AUTS2: variants seen among roughly 807,000 people sequenced by gnomAD.
AUTS2 encodes activator of transcription and developmental regulator AUTS2.
Under a neutral mutation model 112.4 loss-of-function variants are expected in AUTS2, and 17 were observed. The ratio of observed to expected loss-of-function variants is 0.15; its 90% CI spans 0.10 to 0.23. The LOEUF (loss-of-function observed/expected upper bound fraction) is 0.23. AUTS2 is among the 10% of genes least tolerant of loss of function. The probability of loss-of-function intolerance (pLI) is 1.00; values close to 1 mark genes in which losing one functional copy is unlikely to be tolerated. For missense variants in AUTS2, 1,510 were observed against 1,701.6 expected (o/e 0.89, Z 1.98); for synonymous variants, 751 against 702.7 (o/e 1.07, Z -1.09).
intron 4 of AUTS2, among the ~76,000 whole-genome samples, chr7:70,370,869 A>G (rs1286522618): frequency 6.6e-6 from 1 of 151,522 alleles, no homozygotes; most frequent in African/African-American, 2.4e-5. Flanking sequence ...CCATTATTCT[A>G]GTGGGTGTGA....
At chr7:70,566,379 T>C (rs562528883) in intron 5 of AUTS2, among the ~76,000 whole-genome samples, 2 of 152,350 alleles carry the variant, frequency 1.3e-5, no homozygotes, top group Admixed American at 6.5e-5. Flanking sequence ...ACTTATTTCC[T>C]TGAAATTCCT....
At chr7:69,917,225 C>G (rs964751722) in intron 2 of AUTS2, among the ~76,000 whole-genome samples, 8 of 151,762 alleles carry the variant, frequency 5.3e-5, no homozygotes, top group African/African-American at 1.7e-4. Context: ...ATGGAGGACT[C>G]ACTGTGTTTT....
intron 5 of AUTS2, among the ~76,000 whole-genome samples, chr7:70,454,903 T>G (rs1002345521): frequency 6.6e-6 from 1 of 152,224 alleles, no homozygotes. Context: ...GGGAGTGCTT[T>G]GAGCTCTAGA....
chr7:70,222,402 T>C lies in AUTS2; in HGVS notation c.660+87831T>C, dbSNP rs190525279. 2.6e-5 allele frequency among the ~76,000 whole-genome samples: 4 copies of C among 152,292 alleles called. No individual in the cohort carries two copies. The East Asian group carries it at 7.7e-4, about 29-fold the overall frequency. On this transcript the variant is annotated intron_variant, in intron 4 of 18. Coordinates refer to ENST00000342771, the MANE Select transcript of AUTS2 (RefSeq NM_015570.4). ...AGAACATAGGAGTAGAGAAGTTCAA[T>C]AGGAACATGCAAAATTTGTCTATTG...
rs185369125 is a variant in AUTS2 at position 70,170,850 on chromosome 7, C to T, written c.660+36279C>T. Among the ~76,000 whole-genome samples the T allele has an allele frequency of 3.9e-5, 6 of 152,310 alleles. No homozygotes were observed. In the East Asian group the frequency reaches 1.2e-3, roughly 29 times the overall value. On this transcript the variant is annotated intron_variant, in intron 4 of 18. Coordinates refer to ENST00000342771, the MANE Select transcript of AUTS2 (RefSeq NM_015570.4). ...CTTGAACTCCTGACCTCGTGATCCACCTTCCTCGGCCTCCTAGAGTGCTGG... is the reference window on the plus strand; with the variant it reads ...CTTGAACTCCTGACCTCGTGATCCATCTTCCTCGGCCTCCTAGAGTGCTGG...
At chr7:70,125,545 A>AC (rs1805925471) in intron 3 of AUTS2, among the ~76,000 whole-genome samples, 1 of 152,052 alleles carries the variant, frequency 6.6e-6, no homozygotes, top group South Asian at 2.1e-4. Flanking sequence ...TCAGGTAGAA[A>AC]CTAGAGGGGA....
intron 1 of AUTS2, among the ~76,000 whole-genome samples, chr7:69,610,179 A>G (rs575587754): frequency 3.9e-5 from 6 of 152,338 alleles, no homozygotes; most frequent in Non-Finnish European, 5.9e-5. Context: ...TAATAAAGGG[A>G]AGACATGATT....
At chr7:70,525,191 G>C (rs1799792313) in intron 5 of AUTS2, among the ~76,000 whole-genome samples, 3 of 152,306 alleles carry the variant, frequency 2.0e-5, no homozygotes, top group South Asian at 4.1e-4. Context: ...CACGCCTTCA[G>C]CTCCTCTGCA....
intron 1 of AUTS2, among the ~76,000 whole-genome samples, chr7:69,743,941 G>A (rs975698600): frequency 3.3e-5 from 5 of 151,912 alleles, no homozygotes; most frequent in Non-Finnish European, 4.4e-5. Flanking sequence ...GGGACTGTAG[G>A]CATGTGCCAC....
At chr7:70,617,132 T>C (rs1372301183) in intron 5 of AUTS2, among the ~76,000 whole-genome samples, 1 of 152,196 alleles carries the variant, frequency 6.6e-6, no homozygotes, top group Non-Finnish European at 1.5e-5. Context: ...TAAGGGCCAT[T>C]GTCTTCAAGA....
intron 5 of AUTS2, among the ~76,000 whole-genome samples, chr7:70,662,061 A>T (rs1042941714): frequency 1.3e-5 from 2 of 152,172 alleles, no homozygotes; most frequent in Non-Finnish European, 2.9e-5. Flanking sequence ...CAGACACCTG[A>T]AGCCAGAGAT....
At chr7:70,534,725 C>T (rs1800242466) in intron 5 of AUTS2, among the ~76,000 whole-genome samples, 1 of 152,098 alleles carries the variant, frequency 6.6e-6, no homozygotes, top group South Asian at 2.1e-4. Context: ...TGTGCCCAGC[C>T]TTTTTTTGTT....
At chr7:70,347,655 T>C (rs1377103990) in intron 4 of AUTS2, among the ~76,000 whole-genome samples, 2 of 152,154 alleles carry the variant, frequency 1.3e-5, no homozygotes, top group Non-Finnish European at 2.9e-5. Context: ...CTCCACCTCA[T>C]CTTTGCCAGC....
chr7:70,621,305 G>A (rs112299631), intron 5 of AUTS2, among the ~76,000 whole-genome samples: 1 of 152,152 alleles, frequency 6.6e-6, no homozygotes, highest in Non-Finnish European at 1.5e-5. Flanking sequence ...TGTATTCACT[G>A]TGGGGGCAGG....
At chr7:70,117,104 GTTTTTTTT>G (rs61076536) in intron 2 of AUTS2, among the ~76,000 whole-genome samples, 7,601 of 77,598 alleles carry the variant, frequency 0.098, 577 homozygotes, top group African/African-American at 0.15. Context: ...GATGACTTTT[GTTTTTTTT>G]TTTTGTTTTT....
At chr7:70,479,230 A>G (rs955978403) in intron 5 of AUTS2, among the ~76,000 whole-genome samples, 2 of 152,150 alleles carry the variant, frequency 1.3e-5, no homozygotes, top group African/African-American at 4.8e-5. Context: ...CTTCTTTCCT[A>G]AATGAACATT....
chr7:70,085,618 C>T (rs1310691881), intron 2 of AUTS2, among the ~76,000 whole-genome samples: 4 of 152,134 alleles, frequency 2.6e-5, no homozygotes, highest in Non-Finnish European at 5.9e-5. Context: ...CCACCTGCCT[C>T]GCCCTCCCAA....
intron 6 of AUTS2, among the ~76,000 whole-genome samples, chr7:70,703,612 A>C (rs534667783): frequency 6.6e-6 from 1 of 152,148 alleles, no homozygotes; most frequent in South Asian, 2.1e-4. Context: ...AAATCCCTTT[A>C]TAATGAACAT....
At chr7:70,050,743 C>T (rs1324167364) in intron 2 of AUTS2, among the ~76,000 whole-genome samples, 1 of 152,150 alleles carries the variant, frequency 6.6e-6, no homozygotes, top group Non-Finnish European at 1.5e-5. Context: ...GCCTGTAATT[C>T]CAGCACTTTA....
Sources: gnomAD v4.1 joint callset for allele counts (sites outside exome capture counted in the v4.1 genomes callset) on GRCh38, gnomAD v4.1.1 for gene constraint, MANE v1.5 for transcripts, NCBI Gene and HGNC (gene_info 2026-07-23, HGNC 2026-07-21) for gene names.